The following NOD1 variants were observed in gnomAD, a reference collection of about 807,000 sequenced individuals.
NOD1 encodes the protein nucleotide-binding oligomerization domain-containing protein 1.
A neutral mutation model predicts 81.2 loss-of-function variants in NOD1; 70 were observed. The observed-to-expected ratio is 0.86, with a 90% CI of 0.71 to 1.05. The LOEUF (loss-of-function observed/expected upper bound fraction) is 1.05. NOD1 is among the 50% of genes least tolerant of loss of function. NOD1 has a pLI of 0.00. For synonymous variants in NOD1, 508 were observed against 526.9 expected (o/e 0.96, Z 0.49); for missense variants, 1,233 against 1,228.0 (o/e 1.00, Z -0.06).
At chr7:30,446,837 G>T in intron 8 of NOD1, 130 bp downstream of exon 8, 1 of 726,782 alleles carries the variant, frequency 1.4e-6, no homozygotes, top group Non-Finnish European at 2.3e-6. Context: ...ATCTTTACTT[G>T]ACCAACATGG....
Position 30,437,647 on chromosome 7 carries a change from GC to G in NOD1, c.2462del (p.Gly821AlafsTer22). On this transcript the variant is annotated frameshift_variant, in exon 10 of 14. Transcript: ENST00000222823. LOFTEE classifies it high-confidence loss of function. ...TTGCTCCTTCATCCCCAACTTGATT[GC>G]CCCACATCCTGAGGGAGGAGACAAG... is the stretch of plus-strand genomic sequence containing the variant. ...SKSISEVGMW[G>X]NQVGDEGAKA... is the part of the protein sequence containing the mutation. The G allele has an allele frequency of 6.6e-7, 1 of 1,513,432 alleles. No individual in the cohort carries two copies. The highest frequency in any genetic ancestry group is 1.5e-5 in the African/African-American group (1 of 68,250). 93.8% of individuals were successfully genotyped at this position (1,513,432 alleles called of 1,614,324 possible). A position where few individuals can be genotyped will look rare whatever the true frequency, so the allele number is the denominator to read the frequency against.
rs768694806 is a variant in NOD1, at chr7:30,451,856, G to A, written c.1561C>T (p.Gln521Ter). 6.2e-7 allele frequency: 1 copy of A among 1,613,832 alleles called. No individual in the cohort carries two copies. Among genetic ancestry groups the A allele is most frequent in the South Asian group, 1.1e-5 (1 of 91,086 alleles). Residue 521 changes from glutamine to a stop codon, truncating the protein, a stop_gained, in exon 6 of 14, where the codon CAG becomes TAG. Coordinates refer to ENST00000222823, the MANE Select transcript of NOD1 (RefSeq NM_006092.4). LOFTEE classifies it high-confidence loss of function. This position sits in a 1 kb window ranked among gnomAD's most constrained non-coding sequence, Gnocchi z 4.2. ...AGGAAGAAGGCTGTAAAGAAGGCCT[G>A]GAGGGTGAGGTGGAAAAACTCATAG... ...QSYEFFHLTL[Q>*]AFFTAFFLVL...
In NOD1 at chr7:30,471,665, G is replaced by A. The variant is rs545775485; in HGVS notation, c.-352+6941C>T. Among the ~76,000 whole-genome samples the A allele has an allele frequency of 1.7e-4, 26 of 152,370 alleles. No homozygotes were observed. In the South Asian group the frequency reaches 4.6e-3, roughly 27 times the overall value. Reference sequence around the variant, plus strand: ...GCTAGGCGGAGCAGAACAGACTAGCGTGAAAAACTGACAGCCCTTCCCATA... The same window carrying A: ...GCTAGGCGGAGCAGAACAGACTAGCATGAAAAACTGACAGCCCTTCCCATA... On this transcript the variant is annotated intron_variant, in intron 1 of 13. Transcript: ENST00000222823.
Position 30,452,078 on chromosome 7 carries a change from G to GT in NOD1, c.1338dup (p.Arg447ThrfsTer63). On this transcript the variant is annotated frameshift_variant, in exon 6 of 14. Coordinates refer to ENST00000222823, the MANE Select transcript of NOD1 (RefSeq NM_006092.4). LOFTEE classifies it high-confidence loss of function. ...GCGTGGAGGGTCTCCACTGGGCTGCGTGTGTTCCGCTGCACCAGGCTGCTG... is the reference window on the plus strand; with the variant it reads ...GCGTGGAGGGTCTCCACTGGGCTGCGTTGTGTTCCGCTGCACCAGGCTGCTG... The GT allele has an allele frequency of 6.2e-7, 1 of 1,613,720 alleles. No homozygotes were observed. Among genetic ancestry groups the GT allele is most frequent in the Non-Finnish European group, 8.5e-7 (1 of 1,180,014 alleles).
rs55813184 is a variant in NOD1, at chr7:30,459,255, A to T, written c.-210-15T>A. Reference sequence around the variant, plus strand: ...ATTTCTGGAATCTGCAAAATCAAAGAAAGACTTAAAAAAATTATTGTGGCA... The same window carrying T: ...ATTTCTGGAATCTGCAAAATCAAAGTAAGACTTAAAAAAATTATTGTGGCA... On this transcript the variant is annotated splice_polypyrimidine_tract_variant and intron_variant, in intron 2 of 13. Coordinates refer to ENST00000222823, the MANE Select transcript of NOD1 (RefSeq NM_006092.4). 6.5e-6 allele frequency: 1 copy of T among 152,686 alleles called. No individual in the cohort carries two copies. Among genetic ancestry groups the T allele is most frequent in the Non-Finnish European group, 1.5e-5 (1 of 68,046 alleles). The allele number at this position is 152,686 out of a possible 1,614,324, so 9.5% of individuals were successfully genotyped here.
chr7:30,426,333 G>T (rs1297067055), intron 13 of NOD1, among the ~76,000 whole-genome samples: 2 of 151,890 alleles, frequency 1.3e-5, no homozygotes, highest in Admixed American at 1.3e-4. Flanking sequence ...TGCTGAGCAG[G>T]TTAGTAACCT....
At chr7:30,456,662 G>A in intron 4 of NOD1, 59 bp downstream of exon 4, 1 of 1,473,854 alleles carries the variant, frequency 6.8e-7, no homozygotes. Context: ...AGCAGGGAGA[G>A]GCCTCTTCTA....
Position 30,429,362 on chromosome 7 carries a change from C to A in NOD1, c.2789+12G>T. The A allele has an allele frequency of 6.2e-7, 1 of 1,610,572 alleles. No homozygotes were observed. The highest frequency in any genetic ancestry group is 8.5e-7 in the Non-Finnish European group (1 of 1,176,654). On this transcript the variant is annotated intron_variant, in intron 13 of 13. Coordinates refer to ENST00000222823, the MANE Select transcript of NOD1 (RefSeq NM_006092.4). ...ACTGGTGTTATTACTGTGACAAACGCTGGGATCTTACCAAATCTCTGTTAT... is the reference window on the plus strand; with the variant it reads ...ACTGGTGTTATTACTGTGACAAACGATGGGATCTTACCAAATCTCTGTTAT...
intron 1 of NOD1, among the ~76,000 whole-genome samples, chr7:30,476,141 T>C (rs1047016907): frequency 6.6e-6 from 1 of 152,246 alleles, no homozygotes. Context: ...TAGAAGAAAC[T>C]AGTAACTTAA....
chr7:30,437,490 A>G, intron 10 of NOD1, 83 bp downstream of exon 10: 1 of 833,956 alleles, frequency 1.2e-6, no homozygotes, highest in African/African-American at 1.8e-5. Context: ...TTCTATTAGG[A>G]GCACGAATCA....
At position 30,437,383 on chromosome 7, in the gene NOD1, A is replaced by C. The variant is rs184624912; in HGVS notation, c.2537+190T>G. ...CTTCTACATGTATCCCAGAACTTAA[A>C]GTTAAAAAAAGAGAAGAATGTGCTT... On this transcript the variant is annotated intron_variant, in intron 10 of 13. Transcript: ENST00000222823. Among the ~76,000 whole-genome samples, 41 of 152,344 alleles carry C rather than the reference A, an allele frequency of 2.7e-4. 1 individual carries two copies. The highest frequency in any genetic ancestry group is 8.2e-4 in the African/African-American group (34 of 41,582).
intron 11 of NOD1, 29 bp downstream of exon 11, chr7:30,435,969 C>T (rs766134797): frequency 1.3e-6 from 2 of 1,585,596 alleles, no homozygotes; most frequent in Non-Finnish European, 1.7e-6. Context: ...GAAAAACAAA[C>T]AAACAAATGA....
rs149728096 is a variant in NOD1, at chr7:30,452,750, G to A, written c.667C>T (p.Arg223Trp). 1.2e-4 allele frequency: 200 copies of A among 1,614,038 alleles called. No homozygotes were observed. In the African/African-American group the frequency reaches 1.9e-3, roughly 16 times the overall value. Residue 223 changes from arginine to tryptophan, a missense_variant, in exon 6 of 14, where the codon CGG becomes TGG. Physicochemically the swap from Arg to Trp is moderately radical, Grantham distance 101. Transcript: ENST00000222823. ...QRLQSLWATG[R>W]LDAGVKFFFH... Reference sequence around the variant, plus strand: ...AAGAATTTGACCCCTGCGTCTAGCCGGCCCGTGGCCCAGAGGCTCTGCAGC... The same window carrying A: ...AAGAATTTGACCCCTGCGTCTAGCCAGCCCGTGGCCCAGAGGCTCTGCAGC...
intron 6 of NOD1, among the ~76,000 whole-genome samples, chr7:30,449,715 T>C (rs1350994181): frequency 6.6e-6 from 1 of 152,250 alleles, no homozygotes; most frequent in Non-Finnish European, 1.5e-5. Context: ...TTTGGGGTTT[T>C]CGCTCTCAGC....
chr7:30,451,169 C>G lies in NOD1; in HGVS notation c.2201+47G>C. ...ATGCCATTCCCGATGCCCTCCGAGCCTGGCCCGCCCGGCCCACCTGTTGCT... is the reference window on the plus strand; with the variant it reads ...ATGCCATTCCCGATGCCCTCCGAGCGTGGCCCGCCCGGCCCACCTGTTGCT... On this transcript the variant is annotated intron_variant, in intron 6 of 13. Coordinates refer to ENST00000222823, the MANE Select transcript of NOD1 (RefSeq NM_006092.4). The surrounding 1 kb of genome is among the most constrained non-coding windows in gnomAD (Gnocchi z 4.2). 6.3e-7 allele frequency: 1 copy of G among 1,583,914 alleles called. No individual in the cohort carries two copies. Among genetic ancestry groups the G allele is most frequent in the Non-Finnish European group, 8.6e-7 (1 of 1,164,888 alleles).
chr7:30,425,743 G>A (rs1783389771), intron 13 of NOD1, 33 bp from the exon 14 acceptor site: 2 of 1,501,168 alleles, frequency 1.3e-6, no homozygotes, highest in Non-Finnish European at 1.9e-6. Flanking sequence ...AAGTACACAG[G>A]TAAAATGTTA....
At chr7:30,447,821 A>C (rs1338193015) in intron 7 of NOD1, 2 of 156,410 alleles carry the variant, frequency 1.3e-5, no homozygotes, top group East Asian at 1.9e-4. Context: ...ACTTGGTTTG[A>C]CTGTTTCATA....
chr7:30,454,936 C>T (rs550177736), intron 5 of NOD1, among the ~76,000 whole-genome samples: 2 of 152,190 alleles, frequency 1.3e-5, no homozygotes, highest in Non-Finnish European at 2.9e-5. Flanking sequence ...CTCTATAAAC[C>T]AGACCATCGA....
rs537172994 is a variant in NOD1 at position 30,448,375 on chromosome 7, G to A, written c.2208C>T (p.Ser736=). 6.2e-6 allele frequency: 10 copies of A among 1,613,698 alleles called. No homozygotes were observed. Among genetic ancestry groups the A allele is most frequent in the South Asian group, 2.2e-5 (2 of 91,080 alleles). Residue 736 remains serine (S), a synonymous_variant, in exon 7 of 14, where the codon AGC becomes AGT. Coordinates refer to ENST00000222823, the MANE Select transcript of NOD1 (RefSeq NM_006092.4). ...CFSRLTVLRL[S]VNQITDGGVK... ...CCCCACCGTCAGTGATCTGGTTTAC[G>A]CTGAGTCTGAAATAAAACAGCAAAA...
Sources: gnomAD v4.1 joint callset for allele counts (sites outside exome capture counted in the v4.1 genomes callset) on GRCh38, gnomAD v4.1.1 for gene constraint, Gnocchi (gnomAD v3.1) non-coding constraint, MANE v1.5 for transcripts, NCBI Gene and HGNC (gene_info 2026-07-23, HGNC 2026-07-21) for gene names.